MYL1: variants seen among roughly 807,000 people sequenced by gnomAD.
The protein encoded by MYL1 is myosin light chain 1/3, skeletal muscle isoform.
In MYL1, 16 loss-of-function variants were observed where a neutral mutation model predicts 21.8. The observed-to-expected ratio is 0.74, with a 90% CI of 0.50 to 1.12. The LOEUF (loss-of-function observed/expected upper bound fraction) is 1.12. Among genes scored for constraint, MYL1 ranks in the 50% most tolerant of loss-of-function variants. The probability of loss-of-function intolerance (pLI) is 0.00; values close to 1 mark genes in which losing one functional copy is unlikely to be tolerated. For missense variants in MYL1, 246 were observed against 241.0 expected (o/e 1.02, Z -0.14); for synonymous variants, 99 against 85.2 (o/e 1.16, Z -0.89).
At chr2:210,304,167 C>T (rs1690304998) in intron 1 of MYL1, among the ~76,000 whole-genome samples, 1 of 152,158 alleles carries the variant, frequency 6.6e-6, no homozygotes, top group East Asian at 1.9e-4. Context: ...TCAGGTCTTT[C>T]AATCTCCAAT....
chr2:210,296,769 C>T (rs1690179690), intron 3 of MYL1, among the ~76,000 whole-genome samples: 1 of 152,026 alleles, frequency 6.6e-6, no homozygotes, highest in Non-Finnish European at 1.5e-5. Flanking sequence ...TATTTATTAA[C>T]CAACTTCTGG....
At chr2:210,307,940 C>T (rs1690360845) in intron 1 of MYL1, among the ~76,000 whole-genome samples, 1 of 152,060 alleles carries the variant, frequency 6.6e-6, no homozygotes, top group Non-Finnish European at 1.5e-5. Flanking sequence ...GGCTCTGGAA[C>T]TGATGTAGGT....
In MYL1 at chr2:210,293,590, C is replaced by CT; in HGVS notation, c.556+132dup. The CT allele has an allele frequency of 8.5e-6, 6 of 707,324 alleles. 1 individual carries two copies. In the South Asian group the frequency reaches 1.1e-4, roughly 13 times the overall value. 43.8% of individuals were successfully genotyped at this position (707,324 alleles called of 1,614,324 possible). ...TTTATATGTTCAGATCCTCACATAT[C>CT]TTTTTAGAGTTATGCAATTGATTGT... is the stretch of plus-strand genomic sequence containing the variant. On this transcript the variant is annotated intron_variant, in intron 5 of 6. Transcript: ENST00000352451.
intron 1 of MYL1, among the ~76,000 whole-genome samples, chr2:210,312,066 CTAAT>C (rs879933843): frequency 1.8e-4 from 28 of 152,004 alleles, no homozygotes; most frequent in Admixed American, 7.9e-4. Context: ...GTTGATAAAA[CTAAT>C]TAATTATATT....
chr2:210,293,938 A>T, intron 4 of MYL1, 138 bp from the exon 5 acceptor site: 2 of 758,294 alleles, frequency 2.6e-6, no homozygotes, highest in Admixed American at 2.5e-5. Flanking sequence ...TTTGGTACTT[A>T]ATATATTGTC....
chr2:210,291,495 G>T (rs1690075045), intron 5 of MYL1, among the ~76,000 whole-genome samples: 1 of 152,122 alleles, frequency 6.6e-6, no homozygotes, highest in Non-Finnish European at 1.5e-5. Context: ...ATCACTGTCT[G>T]CTAGGCAACT....
chr2:210,308,134 C>G (rs1690365523), intron 1 of MYL1, among the ~76,000 whole-genome samples: 1 of 151,828 alleles, frequency 6.6e-6, no homozygotes, highest in Admixed American at 6.6e-5. Flanking sequence ...CTAATATAAT[C>G]AGGGCCAGTT....
At chr2:210,302,712 C>G (rs1690282460) in intron 1 of MYL1, 197 bp from the exon 2 acceptor site, 2 of 1,550,212 alleles carry the variant, frequency 1.3e-6, no homozygotes, top group South Asian at 1.2e-5. Flanking sequence ...AGTAATATTG[C>G]AGAAACTAGG....
intron 1 of MYL1, among the ~76,000 whole-genome samples, chr2:210,309,649 T>A (rs1337511751): frequency 6.6e-6 from 1 of 152,016 alleles, no homozygotes; most frequent in Non-Finnish European, 1.5e-5. Flanking sequence ...AGTATTTCAG[T>A]CTGAAGAGCA....
intron 1 of MYL1, among the ~76,000 whole-genome samples, chr2:210,313,850 C>T (rs1040135572): frequency 6.6e-6 from 1 of 151,976 alleles, no homozygotes; most frequent in Non-Finnish European, 1.5e-5. Flanking sequence ...ATCATAGTTA[C>T]AAGTAAACAA....
chr2:210,300,720 A>T (rs11887542), intron 2 of MYL1, among the ~76,000 whole-genome samples: 5,303 of 152,192 alleles, frequency 0.035, 348 homozygotes, highest in African/African-American at 0.12. Context: ...TTTTTAATTA[A>T]TTAAAGTTTA....
chr2:210,296,904 T>C (rs1690181705), intron 3 of MYL1, among the ~76,000 whole-genome samples: 1 of 151,998 alleles, frequency 6.6e-6, no homozygotes, highest in Non-Finnish European at 1.5e-5. Flanking sequence ...CATCCCTGGC[T>C]CATTTTACTT....
chr2:210,308,309 G>A (rs7556821), intron 1 of MYL1, among the ~76,000 whole-genome samples: 1 of 149,014 alleles, frequency 6.7e-6, no homozygotes, highest in Non-Finnish European at 1.5e-5. Flanking sequence ...TATTTTGGAA[G>A]TCTTAGGAGT....
intron 1 of MYL1, chr2:210,303,702 C>T: frequency 9.7e-7 from 1 of 1,030,036 alleles, no homozygotes; most frequent in Non-Finnish European, 1.4e-6. Flanking sequence ...TAAGTTGCCA[C>T]ACCCCTTGGA....
intron 1 of MYL1, among the ~76,000 whole-genome samples, chr2:210,305,996 G>A (rs773459322): frequency 4.6e-5 from 7 of 151,876 alleles, no homozygotes; most frequent in African/African-American, 1.7e-4. Flanking sequence ...GGAGGTGGAC[G>A]TTGCGGTGAG....
At chr2:210,302,824 A>G in intron 1 of MYL1, 1 of 1,552,820 alleles carries the variant, frequency 6.4e-7, no homozygotes, top group East Asian at 2.4e-5. Context: ...AGAAAGAAAA[A>G]AAACTAGTAC....
At chr2:210,304,317 A>AT (rs957690046) in intron 1 of MYL1, among the ~76,000 whole-genome samples, 45 of 151,738 alleles carry the variant, frequency 3.0e-4, no homozygotes, top group African/African-American at 1.9e-4. Context: ...CTGAGTAGTC[A>AT]TTTTTTTTAT....
intron 1 of MYL1, among the ~76,000 whole-genome samples, chr2:210,311,830 T>G (rs767939784): frequency 4.2e-4 from 64 of 152,030 alleles, no homozygotes; most frequent in Admixed American, 2.0e-4. Context: ...ATTAGCTCTC[T>G]GAAGGCAAAG....
At chr2:210,290,642 G>A (rs945407995) in intron 6 of MYL1, among the ~76,000 whole-genome samples, 175 bp from the exon 7 acceptor site, 1 of 152,146 alleles carries the variant, frequency 6.6e-6, no homozygotes, top group East Asian at 1.9e-4. Flanking sequence ...AATTTGGACT[G>A]TTATAACACG....
Sources: allele counts gnomAD v4.1 joint callset (sites outside exome capture counted in the v4.1 genomes callset), GRCh38; gene constraint gnomAD v4.1.1; transcripts MANE v1.5; gene names NCBI Gene and HGNC (gene_info 2026-07-23, HGNC 2026-07-21).